The following SLC5A4 variants were observed in gnomAD, a reference collection of about 807,000 sequenced individuals.
SLC5A4 encodes the protein probable glucose sensor protein SLC5A4.
In SLC5A4, 55 loss-of-function variants were observed where a neutral mutation model predicts 70.3. The observed-to-expected ratio is 0.78, with a 90% CI of 0.63 to 0.98. The LOEUF is 0.98. Among genes scored for constraint, SLC5A4 ranks in the 50% least tolerant of loss-of-function variants. The pLI, the probability that SLC5A4 is intolerant of heterozygous loss-of-function variation, is 0.00. For missense variants in SLC5A4, 735 were observed against 839.2 expected (o/e 0.88, Z 1.53); for synonymous variants, 268 against 305.7 (o/e 0.88, Z 1.29).
At chr22:32,251,159 A>AC (rs1006624062) in intron 3 of SLC5A4, among the ~76,000 whole-genome samples, 1 of 144,824 alleles carries the variant, frequency 6.9e-6, no homozygotes, top group Non-Finnish European at 1.5e-5. Flanking sequence ...CAAAAAAAAA[A>AC]AAAAAAAAAA....
the SLC5A4 span, among the ~76,000 whole-genome samples, chr22:32,289,614 G>A: frequency 2.6e-5 from 4 of 152,176 alleles, no homozygotes; most frequent in African/African-American, 7.2e-5. Context: ...GATTACAGGC[G>A]TGTGCCACCA....
At chr22:32,311,719 C>T in the SLC5A4 span, among the ~76,000 whole-genome samples, 30 of 152,200 alleles carry the variant, frequency 2.0e-4, no homozygotes, top group African/African-American at 6.8e-4. Context: ...GTCCCCATCA[C>T]TGCCCAGCAT....
At chr22:32,306,179 A>G in the SLC5A4 span, among the ~76,000 whole-genome samples, 1 of 152,206 alleles carries the variant, frequency 6.6e-6, no homozygotes, top group Non-Finnish European at 1.5e-5. Flanking sequence ...AAATTACTGT[A>G]TATAGGCCGG....
At position 32,225,639 on chromosome 22, in the gene SLC5A4, TCCAG is replaced by T. The variant is rs1200938337; in HGVS notation, c.1449+12_1449+15del. 2.6e-6 allele frequency: 4 copies of T among 1,566,052 alleles called. No homozygotes were observed. Among genetic ancestry groups the T allele is most frequent in the Admixed American group, 3.9e-5 (2 of 50,940 alleles). ...CTCACTCCAGCAGGGAAACTTTTTT[TCCAG>T]TTTTCACTCACCTGTTCATTGACTC... On this transcript the variant is annotated intron_variant, in intron 12 of 14. Transcript: ENST00000266086.
At chr22:32,239,634 A>T (rs1379448071) in intron 5 of SLC5A4, among the ~76,000 whole-genome samples, 2 of 126,848 alleles carry the variant, frequency 1.6e-5, no homozygotes, top group African/African-American at 2.9e-5. Context: ...AAATATATAT[A>T]ATATATATAT....
At chr22:32,307,889 G>A in the SLC5A4 span, among the ~76,000 whole-genome samples, 773 of 152,270 alleles carry the variant, frequency 5.1e-3, 2 homozygotes, top group Non-Finnish European at 7.7e-3. Context: ...TACCCACCAC[G>A]TGAGCAGGAT....
chr22:32,299,039 A>G, the SLC5A4 span, among the ~76,000 whole-genome samples: 4 of 142,478 alleles, frequency 2.8e-5, no homozygotes, highest in African/African-American at 8.0e-5. Flanking sequence ...TAGTCTGATG[A>G]GCTTCCCTTT....
the SLC5A4 span, among the ~76,000 whole-genome samples, chr22:32,289,483 C>T: frequency 2.0e-5 from 3 of 152,166 alleles, no homozygotes; most frequent in Non-Finnish European, 2.9e-5. Flanking sequence ...CCATCACGCT[C>T]CTCTCCTTTC....
intron 2 of SLC5A4, among the ~76,000 whole-genome samples, chr22:32,252,496 G>A (rs892664062): frequency 6.6e-6 from 1 of 152,208 alleles, no homozygotes; most frequent in South Asian, 2.1e-4. Flanking sequence ...ACACAGCCGT[G>A]CTCATTGGTT....
the SLC5A4 span, among the ~76,000 whole-genome samples, chr22:32,292,858 A>G: frequency 1.3e-5 from 2 of 152,150 alleles, no homozygotes; most frequent in Non-Finnish European, 2.9e-5. Flanking sequence ...GACCTGTTGT[A>G]GAGAGAGGTA....
chr22:32,244,718 A>G (rs73164052), intron 5 of SLC5A4, among the ~76,000 whole-genome samples: 11,711 of 152,042 alleles, frequency 0.077, 478 homozygotes, highest in African/African-American at 0.11. Context: ...TGGTAGAGAT[A>G]AGGGTCTCAC....
the SLC5A4 span, among the ~76,000 whole-genome samples, chr22:32,260,628 A>G: frequency 6.6e-6 from 1 of 152,184 alleles, no homozygotes; most frequent in Non-Finnish European, 1.5e-5. Context: ...AAATCTACTC[A>G]TGGAGGGTGG....
the SLC5A4 span, among the ~76,000 whole-genome samples, chr22:32,338,198 CAAG>C: frequency 1.3e-5 from 2 of 152,100 alleles, no homozygotes; most frequent in East Asian, 1.9e-4. Context: ...TGTACACAGA[CAAG>C]AACACCAAGG....
In SLC5A4 at chr22:32,242,765, T is replaced by C. The variant is rs544139750; in HGVS notation, c.478-3675A>G. 7.0e-4 allele frequency among the ~76,000 whole-genome samples: 106 copies of C among 152,138 alleles called. No homozygotes were observed. The Middle Eastern group carries it at 0.014, about 20-fold the overall frequency. On this transcript the variant is annotated intron_variant, in intron 5 of 14. Coordinates refer to ENST00000266086, the MANE Select transcript of SLC5A4 (RefSeq NM_014227.3). ...ATAATATTGGTAAACCAATGATAAA[T>C]AGGAATGTATCAGTCCATATCAGTA...
chr22:32,342,820 A>G, the SLC5A4 span, among the ~76,000 whole-genome samples: 23 of 152,356 alleles, frequency 1.5e-4, no homozygotes, highest in African/African-American at 5.5e-4. Context: ...AATTAGAGTC[A>G]AAAAATATTC....
the SLC5A4 span, among the ~76,000 whole-genome samples, chr22:32,305,098 ACT>A: frequency 6.6e-6 from 1 of 151,876 alleles, no homozygotes; most frequent in South Asian, 2.1e-4. Flanking sequence ...CCAATACCAC[ACT>A]GTCTTATGTA....
chr22:32,275,370 C>T, the SLC5A4 span, among the ~76,000 whole-genome samples: 2 of 152,154 alleles, frequency 1.3e-5, no homozygotes, highest in African/African-American at 2.4e-5. Flanking sequence ...GCTATCCCTC[C>T]CCTCACCCCA....
In SLC5A4 at chr22:32,225,840, A is replaced by G. The variant is rs1237188754; in HGVS notation, c.1281-17T>C. The G allele has an allele frequency of 5.1e-6, 8 of 1,568,550 alleles. No homozygotes were observed. Among genetic ancestry groups the G allele is most frequent in the African/African-American group, 1.4e-5 (1 of 73,404 alleles). ...ACAAATATCCTGAGAAGAAAACAAC[A>G]TAATTTAAACATTAAACAAAAGCAC... On this transcript the variant is annotated splice_polypyrimidine_tract_variant and intron_variant, in intron 11 of 14. Transcript: ENST00000266086.
the SLC5A4 span, among the ~76,000 whole-genome samples, chr22:32,352,668 C>T: frequency 1.3e-5 from 2 of 152,264 alleles, no homozygotes; most frequent in African/African-American, 4.8e-5. Context: ...CCCAACGCTC[C>T]GACCTGCCTT....
Sources: allele counts gnomAD v4.1 joint callset (sites outside exome capture counted in the v4.1 genomes callset), GRCh38; gene constraint gnomAD v4.1.1; transcripts MANE v1.5; gene names NCBI Gene and HGNC (gene_info 2026-07-23, HGNC 2026-07-21).